The following PRKCH variants were observed in gnomAD, a reference collection of about 807,000 sequenced individuals.
The protein encoded by PRKCH is protein kinase C eta type.
In PRKCH, 28 loss-of-function variants were observed where a neutral mutation model predicts 82.5. The ratio of observed to expected loss-of-function variants is 0.34; its 90% CI spans 0.25 to 0.47. PRKCH has a LOEUF of 0.47. Among genes scored for constraint, PRKCH ranks in the 20% least tolerant of loss-of-function variants. The probability of loss-of-function intolerance (pLI) is 1.00; values close to 1 mark genes in which losing one functional copy is unlikely to be tolerated. For synonymous variants in PRKCH, 322 were observed against 327.4 expected (o/e 0.98, Z 0.18); for missense variants, 705 against 881.8 (o/e 0.80, Z 2.54).
At chr14:61,246,167 A>T (rs183853207) in intron 1 of PRKCH, among the ~76,000 whole-genome samples, 118 of 151,416 alleles carry the variant, frequency 7.8e-4, no homozygotes, top group East Asian at 2.0e-3. Context: ...GCCCTTTGGG[A>T]GGCCGAGGCG....
At position 61,530,409 on chromosome 14, in the gene PRKCH, C is replaced by A. The variant is rs2043031413; in HGVS notation, c.1575C>A (p.Ile525=). The A allele has an allele frequency of 1.3e-6, 2 of 1,577,998 alleles. No individual in the cohort carries two copies. The highest frequency in any genetic ancestry group is 1.7e-6 in the Non-Finnish European group (2 of 1,159,266). Residue 525 remains isoleucine, a splice_region_variant and synonymous_variant, in exon 12 of 14, where the codon ATC becomes ATA. Transcript: ENST00000332981. ...CGTPDYIAPE[I]LQEMLYGPAV... ...CTCACGCTGCCCCCTTTGCACAGATCCTCCAGGAAATGCTGTACGGGCCTG... is the reference window on the plus strand; with the variant it reads ...CTCACGCTGCCCCCTTTGCACAGATACTCCAGGAAATGCTGTACGGGCCTG...
At chr14:61,439,988 A>C (rs992553644) in intron 2 of PRKCH, among the ~76,000 whole-genome samples, 3 of 152,218 alleles carry the variant, frequency 2.0e-5, no homozygotes, top group Non-Finnish European at 2.9e-5. Context: ...TAAGGGATTA[A>C]AAAGTTAATT....
intron 10 of PRKCH, among the ~76,000 whole-genome samples, chr14:61,490,974 A>G (rs1172351249): frequency 6.6e-6 from 1 of 152,070 alleles, no homozygotes; most frequent in East Asian, 1.9e-4. Context: ...TGGATTTTAC[A>G]TGCCTGAGTT....
chr14:61,495,072 G>C (rs1045919177), intron 10 of PRKCH, among the ~76,000 whole-genome samples: 1 of 152,110 alleles, frequency 6.6e-6, no homozygotes, highest in Non-Finnish European at 1.5e-5. Context: ...TTGAGTTTAC[G>C]CCTTCTGGTA....
At chr14:61,212,382 C>T (rs74054760) in intron 1 of PRKCH, among the ~76,000 whole-genome samples, 4,077 of 152,260 alleles carry the variant, frequency 0.027, 89 homozygotes, top group Middle Eastern at 0.099. Context: ...AGAGATTTGT[C>T]ACTCTAAAAA....
chr14:61,455,281 C>A (rs141212863), intron 7 of PRKCH, among the ~76,000 whole-genome samples: 1 of 151,528 alleles, frequency 6.6e-6, no homozygotes, highest in Non-Finnish European at 1.5e-5. Flanking sequence ...ACCTTGTCAT[C>A]CTCCCGTCTC....
At chr14:61,190,136 A>G (rs1313002696) in intron 1 of PRKCH, among the ~76,000 whole-genome samples, 1 of 152,180 alleles carries the variant, frequency 6.6e-6, no homozygotes, top group Non-Finnish European at 1.5e-5. Flanking sequence ...AATATATTAC[A>G]TATCATAATG....
chr14:61,368,676 G>A (rs1372476210), intron 1 of PRKCH, among the ~76,000 whole-genome samples: 1 of 152,122 alleles, frequency 6.6e-6, no homozygotes, highest in East Asian at 1.9e-4. Context: ...TGGGCTGCTG[G>A]TTGGAATGTG....
intron 9 of PRKCH, among the ~76,000 whole-genome samples, chr14:61,476,890 CCTT>C (rs1255725354): frequency 6.6e-6 from 1 of 152,232 alleles, no homozygotes; most frequent in East Asian, 1.9e-4. Context: ...CCATTAGACT[CCTT>C]CTCATTGTTT....
intron 1 of PRKCH, among the ~76,000 whole-genome samples, chr14:61,218,636 T>TA (rs770617396): frequency 1.3e-5 from 2 of 151,234 alleles, no homozygotes; most frequent in Non-Finnish European, 3.0e-5. Context: ...TTTGGCAGCT[T>TA]AAAAAAAAAG....
At chr14:61,357,556 C>T (rs1273498309) in intron 1 of PRKCH, among the ~76,000 whole-genome samples, 2 of 152,172 alleles carry the variant, frequency 1.3e-5, no homozygotes, top group Non-Finnish European at 2.9e-5. Context: ...GTCTCTTTCT[C>T]CTTGGCTGTC....
At chr14:61,358,166 C>T (rs1258520374) in intron 1 of PRKCH, among the ~76,000 whole-genome samples, 1 of 152,184 alleles carries the variant, frequency 6.6e-6, no homozygotes, top group Non-Finnish European at 1.5e-5. Flanking sequence ...ACTTAATTCC[C>T]TGACCCTCAG....
chr14:61,547,729 T>C lies in PRKCH; in HGVS notation c.1762-14T>C. On this transcript the variant is annotated splice_polypyrimidine_tract_variant and intron_variant, in intron 12 of 13. Coordinates refer to ENST00000332981, the MANE Select transcript of PRKCH (RefSeq NM_006255.5). ...GTGAATGAATGATTGACACTTTCTC[T>C]CTCTCTCACTCAGTTCATGACCAAG... The C allele has an allele frequency of 1.9e-6, 3 of 1,607,636 alleles. No individual in the cohort carries two copies. Among genetic ancestry groups the C allele is most frequent in the Non-Finnish European group, 2.6e-6 (3 of 1,175,682 alleles).
chr14:61,358,711 G>A (rs1011530353), intron 1 of PRKCH, among the ~76,000 whole-genome samples: 36 of 152,020 alleles, frequency 2.4e-4, no homozygotes, highest in African/African-American at 8.7e-4. Context: ...GTATTCCTGG[G>A]TGTCCTCCTG....
chr14:61,528,973 CGTGTGTGTGTGTGTGTGTGT>C, intron 10 of PRKCH, 82 bp from the exon 11 acceptor site: 2 of 565,716 alleles, frequency 3.5e-6, no homozygotes, highest in Non-Finnish European at 5.2e-6. Context: ...TGTGGCCGCA[CGTGTGTGTGTGTGTGTGTGT>C]GTGTGTGTGT....
intron 1 of PRKCH, among the ~76,000 whole-genome samples, chr14:61,342,067 T>C (rs2045936164): frequency 6.6e-6 from 1 of 152,018 alleles, no homozygotes; most frequent in Admixed American, 6.6e-5. Flanking sequence ...GGGCTGACCT[T>C]GTGAGGTCCT....
intron 2 of PRKCH, among the ~76,000 whole-genome samples, chr14:61,396,567 A>C (rs989088437): frequency 6.6e-6 from 1 of 152,228 alleles, no homozygotes; most frequent in Non-Finnish European, 1.5e-5. Context: ...GGCAGGAATA[A>C]GCCCAGTGCA....
intron 10 of PRKCH, among the ~76,000 whole-genome samples, chr14:61,490,038 T>C (rs1886389919): frequency 6.6e-6 from 1 of 152,254 alleles, no homozygotes; most frequent in Admixed American, 6.5e-5. Flanking sequence ...ATGTTACCCC[T>C]GGGCACACAG....
intron 1 of PRKCH, among the ~76,000 whole-genome samples, chr14:61,315,752 G>GA (rs928871364): frequency 8.5e-5 from 4 of 46,926 alleles, no homozygotes; most frequent in Non-Finnish European, 9.6e-5. Flanking sequence ...TTATTTACTG[G>GA]ATTTTTTTTT....
Sources: allele counts gnomAD v4.1 joint callset (sites outside exome capture counted in the v4.1 genomes callset), GRCh38; gene constraint gnomAD v4.1.1; transcripts MANE v1.5; gene names NCBI Gene and HGNC (gene_info 2026-07-23, HGNC 2026-07-21).